The following MAF variants were observed in gnomAD, a reference collection of about 807,000 sequenced individuals.
MAF encodes MAF bZIP transcription factor, also known as transcription factor Maf.
A neutral mutation model predicts 22.0 loss-of-function variants in MAF; 10 were observed. That is an observed-to-expected ratio of 0.45 (90% CI 0.28 to 0.77). The LOEUF is 0.77. Among genes scored for constraint, MAF ranks in the 30% least tolerant of loss-of-function variants. The probability of loss-of-function intolerance (pLI) is 0.12; values close to 1 mark genes in which losing one functional copy is unlikely to be tolerated. For missense variants in MAF, 544 were observed against 548.4 expected (o/e 0.99, Z 0.08); for synonymous variants, 337 against 255.8 (o/e 1.32, Z -3.03).
chr16:79,501,516 G>T, the MAF span, among the ~76,000 whole-genome samples: 2 of 152,048 alleles, frequency 1.3e-5, no homozygotes, highest in African/African-American at 4.8e-5. Flanking sequence ...TTTATTTTAT[G>T]TCAAAATGCT....
At chr16:79,314,671 G>A in the MAF span, among the ~76,000 whole-genome samples, 1 of 152,346 alleles carries the variant, frequency 6.6e-6, no homozygotes, top group East Asian at 1.9e-4. Flanking sequence ...TTCCCCTGGA[G>A]GGTCATCAAA....
the MAF span, among the ~76,000 whole-genome samples, chr16:79,544,635 G>A: frequency 4.6e-5 from 7 of 151,890 alleles, no homozygotes; most frequent in South Asian, 2.1e-4. Context: ...TTAGCCAGGC[G>A]TGGTGGCAGG....
the MAF span, among the ~76,000 whole-genome samples, chr16:79,467,884 C>T: frequency 6.6e-6 from 1 of 151,404 alleles, no homozygotes; most frequent in Non-Finnish European, 1.5e-5. Flanking sequence ...GCAGGCAAAC[C>T]TCCTCTCAAA....
At chr16:79,574,093 A>G in the MAF span, among the ~76,000 whole-genome samples, 4 of 152,248 alleles carry the variant, frequency 2.6e-5, no homozygotes, top group African/African-American at 9.6e-5. Flanking sequence ...TCACGCTCAC[A>G]GAGTTTAGCG....
the MAF span, among the ~76,000 whole-genome samples, chr16:79,343,105 C>T: frequency 4.6e-5 from 7 of 152,244 alleles, no homozygotes; most frequent in South Asian, 2.1e-4. Context: ...TCAGAACAAG[C>T]GAATGAGGTA....
the MAF span, among the ~76,000 whole-genome samples, chr16:79,540,365 C>T: frequency 6.6e-6 from 1 of 152,064 alleles, no homozygotes; most frequent in Non-Finnish European, 1.5e-5. Flanking sequence ...GTGTCACTGG[C>T]TCCCAGAAGA....
At chr16:79,366,691 C>T in the MAF span, among the ~76,000 whole-genome samples, 1 of 152,228 alleles carries the variant, frequency 6.6e-6, no homozygotes, top group African/African-American at 2.4e-5. Flanking sequence ...CCCATGATAA[C>T]TAGGAACCTC....
the MAF span, among the ~76,000 whole-genome samples, chr16:79,208,816 C>G: frequency 2.0e-5 from 3 of 152,184 alleles, no homozygotes; most frequent in African/African-American, 7.2e-5. Context: ...AGATGTCACT[C>G]AGAGGTTGCC....
the MAF span, among the ~76,000 whole-genome samples, chr16:79,330,527 G>A: frequency 6.6e-6 from 1 of 152,170 alleles, no homozygotes; most frequent in Admixed American, 6.5e-5. Context: ...AATCCAAAGG[G>A]CTTAGAGGAA....
the MAF span, among the ~76,000 whole-genome samples, chr16:79,236,389 C>A: frequency 2.6e-5 from 4 of 151,966 alleles, no homozygotes; most frequent in Non-Finnish European, 5.9e-5. Flanking sequence ...GAGCCACATC[C>A]TGGGGGAAGT....
the MAF span, among the ~76,000 whole-genome samples, chr16:79,296,624 A>C: frequency 2.1e-5 from 3 of 142,304 alleles, no homozygotes; most frequent in African/African-American, 7.6e-5. Context: ...AAAGATTTGT[A>C]ATTTTTTTTT....
At chr16:79,543,887 C>T in the MAF span, among the ~76,000 whole-genome samples, 4 of 152,036 alleles carry the variant, frequency 2.6e-5, no homozygotes, top group South Asian at 2.1e-4. Flanking sequence ...GGGGTTTCAT[C>T]GTTTTAGCCA....
At chr16:79,547,609 A>G in the MAF span, among the ~76,000 whole-genome samples, 2 of 152,190 alleles carry the variant, frequency 1.3e-5, no homozygotes, top group Non-Finnish European at 2.9e-5. Flanking sequence ...TGCTATATAG[A>G]TGCAACAAAT....
the MAF span, among the ~76,000 whole-genome samples, chr16:79,245,098 T>C: frequency 5.9e-5 from 9 of 151,994 alleles, 1 homozygote; most frequent in Non-Finnish European, 1.5e-5. Flanking sequence ...ATGTAAGACC[T>C]AAAACCCTAA....
At chr16:79,539,112 A>G in the MAF span, among the ~76,000 whole-genome samples, 1 of 152,244 alleles carries the variant, frequency 6.6e-6, no homozygotes, top group African/African-American at 2.4e-5. Flanking sequence ...AATAATTCTA[A>G]TAAGGTAGTT....
At chr16:79,506,118 A>C in the MAF span, among the ~76,000 whole-genome samples, 1 of 152,172 alleles carries the variant, frequency 6.6e-6, no homozygotes, top group Non-Finnish European at 1.5e-5. Context: ...CAAGAGTGAA[A>C]TATGCAATAA....
At chr16:79,428,830 G>T in the MAF span, among the ~76,000 whole-genome samples, 1 of 140,636 alleles carries the variant, frequency 7.1e-6, no homozygotes, top group African/African-American at 2.6e-5. Context: ...AGCAGAGAAA[G>T]CAAGACCCTG....
chr16:79,522,495 A>G, the MAF span, among the ~76,000 whole-genome samples: 1 of 152,238 alleles, frequency 6.6e-6, no homozygotes, highest in African/African-American at 2.4e-5. Flanking sequence ...ACAGCTGATC[A>G]GTTCAATAGA....
the MAF span, among the ~76,000 whole-genome samples, chr16:79,559,636 T>TA: frequency 1.6e-3 from 232 of 148,668 alleles, 1 homozygote; most frequent in Admixed American, 5.2e-3. Context: ...TAGATGTTCA[T>TA]AAAAAAAAAA....
Sources: gnomAD v4.1 joint callset for allele counts (sites outside exome capture counted in the v4.1 genomes callset) on GRCh38, gnomAD v4.1.1 for gene constraint, MANE v1.5 for transcripts, NCBI Gene and HGNC (gene_info 2026-07-23, HGNC 2026-07-21) for gene names.